Variants in CERS6 observed in about 807,000 individuals in gnomAD.
The protein encoded by CERS6 is ceramide synthase 6.
A neutral mutation model predicts 56.8 loss-of-function variants in CERS6; 26 were observed. The ratio of observed to expected loss-of-function variants is 0.46; its 90% CI spans 0.34 to 0.63. The LOEUF (loss-of-function observed/expected upper bound fraction) is 0.63. CERS6 is among the 30% of genes least tolerant of loss of function. The pLI, the probability that CERS6 is intolerant of heterozygous loss-of-function variation, is 0.01. For missense variants in CERS6, 415 were observed against 467.5 expected, an observed-to-expected ratio of 0.89 and a Z score of 1.04; for synonymous variants, 164 against 173.3, an observed-to-expected ratio of 0.95 and a Z score of 0.42.
In CERS6 at chr2:168,620,042, CACACACACACACACACACACAT is replaced by C. The variant is rs1185776904; in HGVS notation, c.408-10941_408-10920del. On this transcript the variant is annotated intron_variant, in intron 3 of 9. Coordinates refer to ENST00000305747, the MANE Select transcript of CERS6 (RefSeq NM_203463.3). ...ACACACACACACACACACACACACA[CACACACACACACACACACACAT>C]ATTTATATATATATGATCTAATACT... Among the ~76,000 whole-genome samples the C allele has an allele frequency of 3.4e-4, 49 of 145,506 alleles. 1 individual carries two copies. Among genetic ancestry groups the C allele is most frequent in the African/African-American group, 9.1e-4 (36 of 39,536 alleles).
chr2:168,760,999 C>T (rs1419757616), intron 8 of CERS6, among the ~76,000 whole-genome samples: 1 of 152,084 alleles, frequency 6.6e-6, no homozygotes, highest in African/African-American at 2.4e-5. Context: ...CCTCGTGATC[C>T]GCCCGCCTCG....
intron 5 of CERS6, among the ~76,000 whole-genome samples, chr2:168,693,335 A>T (rs1047323770): frequency 1.3e-5 from 2 of 152,184 alleles, no homozygotes; most frequent in Non-Finnish European, 2.9e-5. Flanking sequence ...TGTCAACTGC[A>T]AAGCACTCGT....
intron 8 of CERS6, among the ~76,000 whole-genome samples, chr2:168,728,110 ACAGCCTTGCC>A (rs1224402456): frequency 1.3e-5 from 2 of 152,202 alleles, no homozygotes; most frequent in African/African-American, 4.8e-5. Context: ...TTATTGGAAC[ACAGCCTTGCC>A]CATCTATTAA....
At chr2:168,753,738 T>G (rs781447480) in intron 8 of CERS6, among the ~76,000 whole-genome samples, 5 of 152,234 alleles carry the variant, frequency 3.3e-5, no homozygotes, top group African/African-American at 4.8e-5. Flanking sequence ...AAGTGAAGAC[T>G]TAATCTTGTC....
intron 1 of CERS6, among the ~76,000 whole-genome samples, chr2:168,493,185 G>T (rs1694404170): frequency 1.3e-5 from 2 of 151,792 alleles, no homozygotes; most frequent in African/African-American, 4.8e-5. Context: ...TTTCCTTATT[G>T]TACTTTTAAA....
intron 4 of CERS6, among the ~76,000 whole-genome samples, chr2:168,655,081 GA>G (rs1685435657): frequency 6.6e-6 from 1 of 152,144 alleles, no homozygotes; most frequent in Non-Finnish European, 1.5e-5. Context: ...CAAAGGACCT[GA>G]ACAGACATTT....
chr2:168,725,897 C>T (rs1683335985), intron 8 of CERS6, among the ~76,000 whole-genome samples: 1 of 152,222 alleles, frequency 6.6e-6, no homozygotes, highest in African/African-American at 2.4e-5. Context: ...AGTCAGTGAT[C>T]TGATCCTTTT....
intron 3 of CERS6, among the ~76,000 whole-genome samples, chr2:168,585,546 A>C (rs544819189): frequency 6.6e-6 from 1 of 152,342 alleles, no homozygotes; most frequent in East Asian, 1.9e-4. Flanking sequence ...TTCTTCATGT[A>C]CAACATAGGT....
chr2:168,536,407 TAATAA>T (rs1271807263), intron 1 of CERS6, among the ~76,000 whole-genome samples: 1 of 151,918 alleles, frequency 6.6e-6, no homozygotes, highest in East Asian at 1.9e-4. Context: ...GGAGATTTTT[TAATAA>T]AATAAATAAA....
chr2:168,761,199 C>CAAG (rs1475243474), intron 8 of CERS6, among the ~76,000 whole-genome samples: 1 of 152,146 alleles, frequency 6.6e-6, no homozygotes, highest in Non-Finnish European at 1.5e-5. Context: ...TCAAGTGTCT[C>CAAG]TACAGGAAGC....
chr2:168,648,247 C>A (rs4668091), intron 4 of CERS6, among the ~76,000 whole-genome samples: 2 of 151,708 alleles, frequency 1.3e-5, no homozygotes, highest in African/African-American at 4.8e-5. Flanking sequence ...TCAGTCTTGG[C>A]GGGTATATGT....
chr2:168,467,455 G>T (rs143015787), intron 1 of CERS6, among the ~76,000 whole-genome samples: 257 of 152,292 alleles, frequency 1.7e-3, no homozygotes, highest in Admixed American at 3.1e-3. Flanking sequence ...GTACATCTTT[G>T]CATGGATAGA....
chr2:168,507,560 G>A (rs557568767), intron 1 of CERS6, among the ~76,000 whole-genome samples: 3 of 152,220 alleles, frequency 2.0e-5, no homozygotes, highest in Admixed American at 2.0e-4. Flanking sequence ...CCTGCCATTT[G>A]GTGGTGATAA....
chr2:168,595,648 A>G (rs1316168235), intron 3 of CERS6, among the ~76,000 whole-genome samples: 1 of 152,170 alleles, frequency 6.6e-6, no homozygotes, highest in African/African-American at 2.4e-5. Flanking sequence ...CTCATTTAAC[A>G]TTTTCATTAT....
chr2:168,465,619 A>G (rs2105320329), intron 1 of CERS6, among the ~76,000 whole-genome samples: 1 of 152,322 alleles, frequency 6.6e-6, no homozygotes, highest in East Asian at 1.9e-4. Flanking sequence ...GCTTAGTGAA[A>G]TAAGACAGTC....
At chr2:168,515,573 T>G (rs1694870670) in intron 1 of CERS6, among the ~76,000 whole-genome samples, 1 of 152,238 alleles carries the variant, frequency 6.6e-6, no homozygotes, top group Admixed American at 6.5e-5. Context: ...TTCATTTTCC[T>G]AGGCTTCTGG....
At chr2:168,610,255 G>C (rs1178727796) in intron 3 of CERS6, among the ~76,000 whole-genome samples, 1 of 152,124 alleles carries the variant, frequency 6.6e-6, no homozygotes, top group Non-Finnish European at 1.5e-5. Flanking sequence ...GGGATTACAG[G>C]CGTGAGCCAC....
At chr2:168,609,260 G>T (rs1466978012) in intron 3 of CERS6, among the ~76,000 whole-genome samples, 1 of 152,164 alleles carries the variant, frequency 6.6e-6, no homozygotes, top group African/African-American at 2.4e-5. Context: ...CTCCCAAGTA[G>T]CTGGGACTGT....
chr2:168,647,883 C>T (rs1314066473), intron 4 of CERS6, among the ~76,000 whole-genome samples: 1 of 152,036 alleles, frequency 6.6e-6, no homozygotes, highest in Non-Finnish European at 1.5e-5. Flanking sequence ...GATGGATTAG[C>T]GTTTTGAGGT....
Sources: gnomAD v4.1 joint callset for allele counts (sites outside exome capture counted in the v4.1 genomes callset) on GRCh38, gnomAD v4.1.1 for gene constraint, MANE v1.5 for transcripts, NCBI Gene and HGNC (gene_info 2026-07-23, HGNC 2026-07-21) for gene names.